USP4: variants seen among roughly 807,000 people sequenced by gnomAD.
The protein encoded by USP4 is ubiquitin carboxyl-terminal hydrolase 4.
Under a neutral mutation model 118.2 loss-of-function variants are expected in USP4, and 72 were observed. The observed-to-expected ratio is 0.61, with a 90% confidence interval of 0.50 to 0.74. USP4 has a LOEUF of 0.74. Among genes scored for constraint, USP4 ranks in the 30% least tolerant of loss-of-function variants. The pLI, the probability that USP4 is intolerant of heterozygous loss-of-function variation, is 0.00. For missense variants in USP4, 1,037 were observed against 1,185.7 expected (o/e 0.87, Z 1.84); for synonymous variants, 415 against 440.4 (o/e 0.94, Z 0.72).
In USP4 at chr3:49,278,915, C is replaced by T. The variant is rs1365664173; in HGVS notation, c.2645-13G>A. 1 of 1,585,062 alleles carries T rather than the reference C, an allele frequency of 6.3e-7. No individual in the cohort carries two copies. The highest frequency in any genetic ancestry group is 8.6e-7 in the Non-Finnish European group (1 of 1,158,638). On this transcript the variant is annotated splice_polypyrimidine_tract_variant and intron_variant, in intron 20 of 21. Transcript: ENST00000265560. ...GCATATGCAGTGTCTGCCAAGTCAA[C>T]AAAGAAAATACTCTAGCGGTCTCCA... is the stretch of plus-strand genomic sequence containing the variant.
At chr3:49,318,626 C>T (rs931400884) in intron 6 of USP4, 14 of 985,236 alleles carry the variant, frequency 1.4e-5, no homozygotes, top group Middle Eastern at 5.2e-4. Context: ...TATAAACAAC[C>T]GGCCAGGTGT....
chr3:49,287,877 G>A (rs548422374), intron 15 of USP4, among the ~76,000 whole-genome samples: 36 of 152,260 alleles, frequency 2.4e-4, no homozygotes, highest in African/African-American at 7.7e-4. Flanking sequence ...CTTAGGTGCA[G>A]GTACCATGCT....
chr3:49,293,688 A>G (rs867697622), intron 14 of USP4: 2 of 151,764 alleles, frequency 1.3e-5, no homozygotes, highest in Non-Finnish European at 2.9e-5. Context: ...AAAAAAAAAA[A>G]CCCACAAGAA....
chr3:49,282,895 A>G (rs1041981979), intron 19 of USP4, among the ~76,000 whole-genome samples: 1 of 150,698 alleles, frequency 6.6e-6, no homozygotes, highest in African/African-American at 2.5e-5. Context: ...TTTACTGGAG[A>G]CAGGATTTCA....
chr3:49,282,230 C>T (rs762243154), intron 19 of USP4, among the ~76,000 whole-genome samples: 19 of 152,002 alleles, frequency 1.2e-4, no homozygotes, highest in Non-Finnish European at 2.8e-4. Context: ...AAGCTTTCTT[C>T]CTCCAATATT....
chr3:49,284,810 C>T (rs1436243870), intron 17 of USP4, 39 bp downstream of exon 17: 1 of 1,589,006 alleles, frequency 6.3e-7, no homozygotes, highest in East Asian at 2.2e-5. Context: ...AGAGCAGAAA[C>T]CAGCAGACAC....
rs777351532 is a variant in USP4 at position 49,300,482 on chromosome 3, G to A, written c.1497C>T (p.His499=). 93 of 1,614,046 alleles carry A rather than the reference G, an allele frequency of 5.8e-5. No individual in the cohort carries two copies. Among genetic ancestry groups the A allele is most frequent in the Admixed American group, 5.0e-5 (3 of 59,976 alleles). The change falls in exon 11 of 22, where the codon CAC becomes CAT. Residue 499 remains histidine (H), a synonymous_variant. Transcript: ENST00000265560. ...MEVFLVPADP[H]CRPTQYRVTV... ...ATTCTGTCACCTGAGTAGGTCTGCA[G>A]TGAGGGTCAGCAGGAACCAGGAAAA...
chr3:49,313,415 C>A (rs2047406412), intron 6 of USP4, among the ~76,000 whole-genome samples: 1 of 151,980 alleles, frequency 6.6e-6, no homozygotes, highest in African/African-American at 2.4e-5. Flanking sequence ...GTAATCCCAG[C>A]TACTTGGGAG....
chr3:49,338,296 T>C (rs578182407), intron 1 of USP4, among the ~76,000 whole-genome samples: 136 of 152,234 alleles, frequency 8.9e-4, no homozygotes, highest in Non-Finnish European at 1.3e-3. Flanking sequence ...TGTATGATTT[T>C]AGTCTATCTT....
chr3:49,308,756 G>A (rs553903335), intron 8 of USP4, among the ~76,000 whole-genome samples: 19 of 151,770 alleles, frequency 1.3e-4, no homozygotes, highest in Admixed American at 2.6e-4. Context: ...GGCCAGGCAC[G>A]GTGGCTCATG....
intron 10 of USP4, among the ~76,000 whole-genome samples, chr3:49,301,365 A>G (rs1360408455): frequency 6.6e-6 from 1 of 152,166 alleles, no homozygotes; most frequent in Non-Finnish European, 1.5e-5. Flanking sequence ...GGGCAAGGAA[A>G]GCCCCCCTAT....
chr3:49,312,490 A>T (rs1463789242), intron 6 of USP4: 1 of 452,608 alleles, frequency 2.2e-6, no homozygotes, highest in African/African-American at 2.0e-5. Context: ...AAAAAAAATT[A>T]GCCAGATGTG....
intron 2 of USP4, among the ~76,000 whole-genome samples, chr3:49,331,391 C>T (rs1398186367): frequency 1.3e-5 from 2 of 151,624 alleles, no homozygotes; most frequent in Admixed American, 6.6e-5. Flanking sequence ...GAGGTCAAGG[C>T]GGGTGGATCA....
At chr3:49,291,252 C>A (rs1357767723) in intron 15 of USP4, among the ~76,000 whole-genome samples, 1 of 148,922 alleles carries the variant, frequency 6.7e-6, no homozygotes, top group Non-Finnish European at 1.5e-5. Context: ...GTGTGAGTCA[C>A]CGCACCCAGC....
rs74499271 is a variant in USP4 at position 49,308,675 on chromosome 3, C to A, written c.954+1945G>T. 2.6e-5 allele frequency among the ~76,000 whole-genome samples: 4 copies of A among 151,882 alleles called. No homozygotes were observed. In the East Asian group the frequency reaches 7.8e-4, roughly 30 times the overall value. ...TAAAAATTCTGGACGCTGAAGCTCA[C>A]GTGAGCTTCCATAGTTTGCAGTACT... On this transcript the variant is annotated intron_variant, in intron 8 of 21. Coordinates refer to ENST00000265560, the MANE Select transcript of USP4 (RefSeq NM_003363.4).
chr3:49,281,890 AG>A (rs1419358976), intron 19 of USP4, among the ~76,000 whole-genome samples: 2 of 151,906 alleles, frequency 1.3e-5, no homozygotes, highest in African/African-American at 4.8e-5. Flanking sequence ...AGGCGCCTGT[AG>A]TCCCAGCTAC....
At chr3:49,332,806 G>A (rs753651971) in intron 2 of USP4, among the ~76,000 whole-genome samples, 2 of 152,096 alleles carry the variant, frequency 1.3e-5, no homozygotes, top group Non-Finnish European at 2.9e-5. Context: ...AAGGCGGGAG[G>A]ATTGCTTGAG....
rs771596452 is a variant in USP4, at chr3:49,324,730, T to C, written c.667A>G (p.Thr223Ala). ...LVIEPQNEDG[T>A]WPRQTLQSKS... ...GACTGCAAGGTCTGCCTGGGCCATG[T>C]GCCATCTTCATTTTGAGGCTCAATT... The change falls in exon 6 of 22, where the codon ACA becomes GCA. Residue 223 changes from threonine to alanine, a missense_variant. Thr to Ala is a moderately conservative substitution (Grantham distance 58). Transcript: ENST00000265560. 1 of 1,614,234 alleles carries C rather than the reference T, an allele frequency of 6.2e-7. No individual in the cohort carries two copies. Among genetic ancestry groups the C allele is most frequent in the Admixed American group, 1.7e-5 (1 of 60,016 alleles).
Position 49,324,918 on chromosome 3 carries a change from C to T in USP4, c.609G>A (p.Gln203=). The T allele has an allele frequency of 1.2e-6, 2 of 1,614,222 alleles. No homozygotes were observed. Among genetic ancestry groups the T allele is most frequent in the Non-Finnish European group, 1.7e-6 (2 of 1,180,032 alleles). The change falls in exon 5 of 22, where the codon CAG becomes CAA. Residue 203 remains glutamine, a synonymous_variant. Transcript: ENST00000265560. ...EQLSKLDNTV[Q]DAGLYQGQVL... ...CCTGACCCTGGTATAGCCCAGCATCCTGGACAGTGTTGTCTAGCTTGCTCA... is the reference window on the plus strand; with the variant it reads ...CCTGACCCTGGTATAGCCCAGCATCTTGGACAGTGTTGTCTAGCTTGCTCA...
Sources: allele counts gnomAD v4.1 joint callset (sites outside exome capture counted in the v4.1 genomes callset), GRCh38; gene constraint gnomAD v4.1.1; transcripts MANE v1.5; gene names NCBI Gene and HGNC (gene_info 2026-07-23, HGNC 2026-07-21).